SMIM31: variants seen among roughly 807,000 people sequenced by gnomAD.
The protein encoded by SMIM31 is human epithelial cell program regulator.
chr4:164,788,478 C>CTTTTTCTTTTTTTTTTTTTTTTTTTTT (rs1733056135), intron 2 of SMIM31, among the ~76,000 whole-genome samples: 1 of 58,162 alleles, frequency 1.7e-5, no homozygotes, highest in African/African-American at 7.2e-5. Context: ...TCTAATTTTT[C>CTTTTTCTTTTTTTTTTTTTTTTTTTTT]TTTTTTTTTT....
intron 2 of SMIM31, among the ~76,000 whole-genome samples, chr4:164,785,132 A>G (rs1733011408): frequency 6.6e-6 from 1 of 152,070 alleles, no homozygotes; most frequent in African/African-American, 2.4e-5. Context: ...AGGCTGAGGC[A>G]GGAGAATCAC....
chr4:164,800,125 C>A (rs890076632), intron 2 of SMIM31, among the ~76,000 whole-genome samples: 5 of 152,188 alleles, frequency 3.3e-5, no homozygotes, highest in African/African-American at 1.2e-4. Context: ...TTCACTACTT[C>A]TCTTGCCTAG....
intron 2 of SMIM31, among the ~76,000 whole-genome samples, chr4:164,799,183 C>T (rs1320684675): frequency 6.6e-6 from 1 of 151,960 alleles, no homozygotes; most frequent in African/African-American, 2.4e-5. Flanking sequence ...CTCGGGAGTT[C>T]AAGACCAGCC....
intron 2 of SMIM31, among the ~76,000 whole-genome samples, chr4:164,777,844 T>C (rs921651074): frequency 2.0e-5 from 3 of 152,228 alleles, no homozygotes; most frequent in Non-Finnish European, 4.4e-5. Flanking sequence ...GACTTTATAA[T>C]TTTAGAAAGT....
chr4:164,788,478 C>CT (rs72177805), intron 2 of SMIM31, among the ~76,000 whole-genome samples: 935 of 58,188 alleles, frequency 0.016, 179 homozygotes, highest in African/African-American at 0.041. Flanking sequence ...TCTAATTTTT[C>CT]TTTTTTTTTT....
At chr4:164,772,761 G>A (rs2110935243) in intron 2 of SMIM31, among the ~76,000 whole-genome samples, 1 of 151,386 alleles carries the variant, frequency 6.6e-6, no homozygotes, top group African/African-American at 2.4e-5. Context: ...TGTATTTTTA[G>A]TAGAGACGGG....
Position 164,801,108 on chromosome 4 carries a change from A to C in SMIM31, c.130A>C (p.Lys44Gln), listed in dbSNP as rs1279237539. ...DSNEEEEHEK[K>Q]GREKKRKKSE... ...TATTGCAGAGGAAGAACATGAAAAA[A>C]AGGGAAGGGAAAAGAAAAGGAAAAA... is the stretch of plus-strand genomic sequence containing the variant. The change falls in exon 3 of 3, where the codon AAG becomes CAG. Residue 44 changes from lysine (K) to glutamine (Q), a missense_variant. Coordinates refer to ENST00000507311, the MANE Select transcript of SMIM31 (RefSeq NM_001352885.1). The C allele has an allele frequency of 5.0e-6, 2 of 398,896 alleles. No homozygotes were observed. Among genetic ancestry groups the C allele is most frequent in the Non-Finnish European group, 4.4e-6 (1 of 226,050 alleles). 24.7% of individuals were successfully genotyped at this position (398,896 alleles called of 1,614,324 possible).
intron 2 of SMIM31, among the ~76,000 whole-genome samples, chr4:164,772,699 C>T (rs1377417957): frequency 6.6e-6 from 1 of 151,696 alleles, no homozygotes; most frequent in Admixed American, 6.6e-5. Flanking sequence ...CTGCCTCAGC[C>T]TCCCGTGTAG....
chr4:164,777,019 T>C (rs1732887275), intron 2 of SMIM31, among the ~76,000 whole-genome samples: 1 of 152,198 alleles, frequency 6.6e-6, no homozygotes, highest in Non-Finnish European at 1.5e-5. Flanking sequence ...AATCACAGGC[T>C]GATTTACGCA....
chr4:164,755,512 G>A (rs1328028214), intron 1 of SMIM31, among the ~76,000 whole-genome samples: 25 of 111,234 alleles, frequency 2.2e-4, no homozygotes, highest in African/African-American at 8.4e-4. Flanking sequence ...AAGGAGGGGG[G>A]AGGAGAGGGG....
rs74404020 is a variant in SMIM31 at position 164,776,722 on chromosome 4, G to A, written c.112+6167G>A. On this transcript the variant is annotated intron_variant, in intron 2 of 2. Transcript: ENST00000507311. The stretch of plus-strand genomic sequence containing the variant: ...ACCTAGAACACTATTTGGGAAATAG[G>A]TGGTTTTCAGTAACTCATTACTGGA... 6.5e-3 allele frequency among the ~76,000 whole-genome samples: 996 copies of A among 152,268 alleles called. 33 individuals are homozygous for A. The East Asian group carries it at 0.092, about 14-fold the overall frequency.
At chr4:164,785,736 G>A (rs1203119041) in intron 2 of SMIM31, among the ~76,000 whole-genome samples, 1 of 143,766 alleles carries the variant, frequency 7.0e-6, no homozygotes, top group East Asian at 2.1e-4. Context: ...TAAGCTTCTT[G>A]TGTGTGTATG....
At chr4:164,781,798 T>C (rs1732952962) in intron 2 of SMIM31, among the ~76,000 whole-genome samples, 1 of 152,164 alleles carries the variant, frequency 6.6e-6, no homozygotes, top group Non-Finnish European at 1.5e-5. Context: ...CTTCCACCTA[T>C]GTAACATTGT....
At chr4:164,769,105 A>G (rs1732759486) in intron 1 of SMIM31, among the ~76,000 whole-genome samples, 1 of 152,014 alleles carries the variant, frequency 6.6e-6, no homozygotes, top group African/African-American at 2.4e-5. Context: ...CTGCCCTTCC[A>G]TCAAATCGGC....
At chr4:164,789,360 T>C (rs1187716509) in intron 2 of SMIM31, among the ~76,000 whole-genome samples, 1 of 152,194 alleles carries the variant, frequency 6.6e-6, no homozygotes, top group Non-Finnish European at 1.5e-5. Context: ...ACTCCATAGG[T>C]AATGTCAAAA....
intron 2 of SMIM31, among the ~76,000 whole-genome samples, chr4:164,789,692 C>T (rs956995097): frequency 5.1e-4 from 78 of 152,296 alleles, no homozygotes; most frequent in African/African-American, 1.8e-3. Flanking sequence ...ATTAATCTGA[C>T]GCTTTGTCAC....
intron 2 of SMIM31, among the ~76,000 whole-genome samples, chr4:164,792,858 T>A (rs1733121386): frequency 1.3e-5 from 2 of 152,174 alleles, no homozygotes; most frequent in South Asian, 4.1e-4. Flanking sequence ...TCATATTTCC[T>A]GATTTCAAAA....
chr4:164,801,014 C>T (rs1733275783), intron 2 of SMIM31, 77 bp from the exon 3 acceptor site: 3 of 396,318 alleles, frequency 7.6e-6, no homozygotes, highest in African/African-American at 6.2e-5. Context: ...CCCAAGTCTT[C>T]TTATAACCGA....
At chr4:164,769,011 G>A (rs1351804151) in intron 1 of SMIM31, among the ~76,000 whole-genome samples, 2 of 152,018 alleles carry the variant, frequency 1.3e-5, no homozygotes, top group African/African-American at 4.8e-5. Flanking sequence ...AGTGATCTTT[G>A]TCTCCCCTCT....
Sources: allele counts gnomAD v4.1 joint callset (sites outside exome capture counted in the v4.1 genomes callset), GRCh38; gene constraint gnomAD v4.1.1; transcripts MANE v1.5; gene names NCBI Gene and HGNC (gene_info 2026-07-23, HGNC 2026-07-21).